NRXN2: variants seen among roughly 807,000 people sequenced by gnomAD.
The protein encoded by NRXN2 is neurexin 2.
A neutral mutation model predicts 128.8 loss-of-function variants in NRXN2; 29 were observed. That is an observed-to-expected ratio of 0.23 (90% CI 0.17 to 0.31). NRXN2 has a LOEUF of 0.31. Among genes scored for constraint, NRXN2 ranks in the 10% least tolerant of loss-of-function variants. The pLI is 1.00. For missense variants in NRXN2, 1,881 were observed against 2,452.6 expected (o/e 0.77, Z 4.92); for synonymous variants, 1,098 against 1,075.2 (o/e 1.02, Z -0.41).
At chr11:64,638,139 T>A (rs1016053839) in intron 17 of NRXN2, among the ~76,000 whole-genome samples, 1 of 152,050 alleles carries the variant, frequency 6.6e-6, no homozygotes, top group African/African-American at 2.4e-5. Context: ...GGCGCACGCG[T>A]CCCCGCCCCC....
intron 7 of NRXN2, among the ~76,000 whole-genome samples, chr11:64,672,861 G>A (rs1307050754): frequency 6.6e-6 from 1 of 152,202 alleles, no homozygotes; most frequent in Non-Finnish European, 1.5e-5. Flanking sequence ...GAACCAGCAG[G>A]CACAGCCCTG....
Position 64,628,044 on chromosome 11 carries a change from C to T in NRXN2, c.3758-1492G>A, listed in dbSNP as rs181947041. Among the ~76,000 whole-genome samples, 172 of 152,272 alleles carry T rather than the reference C, an allele frequency of 1.1e-3. 1 individual carries two copies. Among genetic ancestry groups the T allele is most frequent in the African/African-American group, 3.9e-3 (164 of 41,524 alleles). On this transcript the variant is annotated intron_variant, in intron 19 of 22. Transcript: ENST00000265459. The stretch of plus-strand genomic sequence containing the variant: ...AGGATATTTGTGTTTAAATTAAAAA[C>T]AGATCATTCAATCCTGTGTGTGTGT...
intron 2 of NRXN2, among the ~76,000 whole-genome samples, chr11:64,706,280 G>A (rs376190550): frequency 4.8e-4 from 68 of 141,892 alleles, no homozygotes; most frequent in African/African-American, 1.7e-3. Context: ...CAAATAACTC[G>A]TCACTTACAT....
In NRXN2 at chr11:64,660,221, T is replaced by C; in HGVS notation, c.2389+111A>G. 5.6e-6 allele frequency: 7 copies of C among 1,259,646 alleles called. No homozygotes were observed. Among genetic ancestry groups the C allele is most frequent in the Non-Finnish European group, 8.1e-6 (7 of 864,240 alleles). 78.0% of individuals were successfully genotyped at this position (1,259,646 alleles called of 1,614,324 possible). ...CTGGCGCCTCCCCACCTCCAAACTC[T>C]GCTGAGGGCACCTCTTGCTGGTGCC... On this transcript the variant is annotated intron_variant, in intron 11 of 22. Coordinates refer to ENST00000265459, the MANE Select transcript of NRXN2 (RefSeq NM_015080.4). This position sits in a 1 kb window ranked among gnomAD's most constrained non-coding sequence, Gnocchi z 5.2.
chr11:64,682,963 A>G (rs1398776921), intron 6 of NRXN2, among the ~76,000 whole-genome samples: 5 of 152,150 alleles, frequency 3.3e-5, no homozygotes, highest in Non-Finnish European at 5.9e-5. Flanking sequence ...ACCAAGTCCA[A>G]GGGAAAAAGG....
intron 20 of NRXN2, among the ~76,000 whole-genome samples, chr11:64,626,105 G>A (rs2043034770): frequency 6.6e-6 from 1 of 152,120 alleles, no homozygotes; most frequent in Admixed American, 6.6e-5. Flanking sequence ...TCTGGGCAGA[G>A]GGAACCTACC....
chr11:64,628,997 C>T (rs2043476439), intron 19 of NRXN2, among the ~76,000 whole-genome samples: 1 of 151,762 alleles, frequency 6.6e-6, no homozygotes, highest in African/African-American at 2.4e-5. Flanking sequence ...ATTAGGGGGC[C>T]ACGCAGGCCT....
rs1488903788 is a variant in NRXN2, at chr11:64,606,472, C to T, written c.*724G>A. 1 of 127,024 alleles carries T rather than the reference C, an allele frequency of 7.9e-6. No homozygotes were observed. Among genetic ancestry groups the T allele is most frequent in the East Asian group, 2.9e-4 (1 of 3,484 alleles). The allele number at this position is 127,024 out of a possible 1,614,324, so 7.9% of individuals were successfully genotyped here. On this transcript the variant is annotated 3_prime_UTR_variant, in exon 23 of 23. Transcript: ENST00000265459. ...CCCCCCACCCCTGCTCCTCCAGCAGCTTCCCCATCAATGCACGTCGCCCGG... is the reference window on the plus strand; with the variant it reads ...CCCCCCACCCCTGCTCCTCCAGCAGTTTCCCCATCAATGCACGTCGCCCGG...
At chr11:64,688,548 G>A (rs1032086310) in intron 5 of NRXN2, 35 of 985,242 alleles carry the variant, frequency 3.6e-5, no homozygotes, top group Admixed American at 3.1e-4. Context: ...CAAGATCTGG[G>A]CTGAACAAGC....
At chr11:64,694,648 A>G (rs1221339915) in intron 3 of NRXN2, among the ~76,000 whole-genome samples, 1 of 152,140 alleles carries the variant, frequency 6.6e-6, no homozygotes, top group Non-Finnish European at 1.5e-5. Flanking sequence ...TAAGGACCCA[A>G]GCATTTGAAC....
intron 17 of NRXN2, among the ~76,000 whole-genome samples, chr11:64,647,971 G>A (rs1812327682): frequency 6.6e-6 from 1 of 152,208 alleles, no homozygotes; most frequent in African/African-American, 2.4e-5. Context: ...GAACAAGGAG[G>A]AGAGGCCATC....
Position 64,631,543 on chromosome 11 carries a change from A to C in NRXN2, c.3586-970T>G, listed in dbSNP as rs1303729847. On this transcript the variant is annotated intron_variant, in intron 18 of 22. Coordinates refer to ENST00000265459, the MANE Select transcript of NRXN2 (RefSeq NM_015080.4). The surrounding 1 kb of genome is among the most constrained non-coding windows in gnomAD (Gnocchi z 4.8). Reference sequence around the variant, plus strand: ...TGTACACGCATGCTCTCTTCCCTACACCAACCCGCTGAAGAAGCTCATAGC... The same window carrying C: ...TGTACACGCATGCTCTCTTCCCTACCCCAACCCGCTGAAGAAGCTCATAGC... Among the ~76,000 whole-genome samples, 1 of 152,144 alleles carries C rather than the reference A, an allele frequency of 6.6e-6. No individual in the cohort carries two copies. The highest frequency in any genetic ancestry group is 1.5e-5 in the Non-Finnish European group (1 of 68,032).
chr11:64,655,283 A>C (rs1486706644), intron 11 of NRXN2, among the ~76,000 whole-genome samples: 4 of 152,200 alleles, frequency 2.6e-5, no homozygotes, highest in Non-Finnish European at 5.9e-5. Flanking sequence ...CCAAGGGAGG[A>C]GCAGAGGAGC....
intron 20 of NRXN2, among the ~76,000 whole-genome samples, chr11:64,626,004 C>T (rs1015470753): frequency 6.6e-6 from 1 of 152,170 alleles, no homozygotes; most frequent in South Asian, 2.1e-4. Flanking sequence ...TCCTAAACCT[C>T]CTCAGGTCAG....
intron 6 of NRXN2, among the ~76,000 whole-genome samples, chr11:64,685,131 A>T (rs2052831821): frequency 6.6e-6 from 1 of 152,120 alleles, no homozygotes. Flanking sequence ...GGCTGGGGGC[A>T]GAACACATCC....
chr11:64,680,860 G>A (rs2135550954), intron 6 of NRXN2, among the ~76,000 whole-genome samples: 1 of 152,216 alleles, frequency 6.6e-6, no homozygotes, highest in East Asian at 1.9e-4. Context: ...ACTTTGGGAG[G>A]CTGAGGTAGG....
intron 17 of NRXN2, among the ~76,000 whole-genome samples, chr11:64,645,248 G>C (rs1001499667): frequency 1.3e-5 from 2 of 152,096 alleles, no homozygotes; most frequent in African/African-American, 4.8e-5. Flanking sequence ...GGGAGGAGCC[G>C]GTGGCGAGAG....
intron 2 of NRXN2, among the ~76,000 whole-genome samples, chr11:64,707,738 C>G (rs529787578): frequency 5.3e-5 from 8 of 152,222 alleles, no homozygotes; most frequent in Non-Finnish European, 1.2e-4. Flanking sequence ...CCTGGGCAGT[C>G]TGGAGGCAGA....
At chr11:64,720,191 G>C (rs1368318254) in intron 1 of NRXN2, among the ~76,000 whole-genome samples, 1 of 152,206 alleles carries the variant, frequency 6.6e-6, no homozygotes, top group Non-Finnish European at 1.5e-5. Context: ...GTGGCAGTGG[G>C]GAAGCAGCTT....
Sources: allele counts gnomAD v4.1 joint callset (sites outside exome capture counted in the v4.1 genomes callset), GRCh38; gene constraint gnomAD v4.1.1; non-coding constraint Gnocchi (gnomAD v3.1); transcripts MANE v1.5; gene names NCBI Gene and HGNC (gene_info 2026-07-23, HGNC 2026-07-21).